TRAK1: variants seen among roughly 807,000 people sequenced by gnomAD.
TRAK1 encodes the protein trafficking kinesin protein 1.
In TRAK1, 33 loss-of-function variants were observed where a neutral mutation model predicts 92.1. The ratio of observed to expected loss-of-function variants is 0.36; its 90% CI spans 0.27 to 0.48. The LOEUF is 0.48. TRAK1 is among the 20% of genes least tolerant of loss of function. The pLI, the probability that TRAK1 is intolerant of heterozygous loss-of-function variation, is 0.99. For synonymous variants in TRAK1, 521 were observed against 517.3 expected (o/e 1.01, Z -0.10); for missense variants, 1,123 against 1,257.9 (o/e 0.89, Z 1.62).
chr3:42,203,435 A>G (rs1192381414), intron 13 of TRAK1: 2 of 983,356 alleles, frequency 2.0e-6, no homozygotes, highest in Non-Finnish European at 2.4e-6. Context: ...GGCATCTCAG[A>G]TGATTAAACT....
Position 42,202,673 on chromosome 3 carries a change from G to T in TRAK1, c.1665G>T (p.Glu555Asp), listed in dbSNP as rs1263975961. 1 of 1,613,672 alleles carries T rather than the reference G, an allele frequency of 6.2e-7. No homozygotes were observed. Among genetic ancestry groups the T allele is most frequent in the Non-Finnish European group, 8.5e-7 (1 of 1,179,676 alleles). The change falls in exon 13 of 16, where the codon GAG becomes GAT. Residue 555 changes from glutamate (E) to aspartate (D), a missense_variant. Transcript: ENST00000327628. The surrounding 1 kb of genome is among the most constrained non-coding windows in gnomAD (Gnocchi z 6.1). Reference protein sequence around the residue: ...MSLGTHSRFSEFTGFSGMSFS... With the variant: ...MSLGTHSRFSDFTGFSGMSFS... The stretch of plus-strand genomic sequence containing the variant: ...TGGGCACGCACTCCCGCTTCTCCGA[G>T]TTCACCGGCTTCTCTGGCATGTCCT...
chr3:42,146,031 G>T, intron 2 of TRAK1: 1 of 403,764 alleles, frequency 2.5e-6, no homozygotes. Context: ...AAATACTTTG[G>T]CTTCAGGAAC....
intron 1 of TRAK1, among the ~76,000 whole-genome samples, chr3:42,082,155 C>G (rs1429685032): frequency 2.6e-5 from 4 of 152,064 alleles, no homozygotes; most frequent in African/African-American, 7.2e-5. Flanking sequence ...GGTTAAGTGT[C>G]TGGCAGCTAT....
rs1048453177 is a variant in TRAK1 at position 42,211,673 on chromosome 3, CAGA to C, written c.1963+1691_1963+1693del. 8 of 985,240 alleles carry C rather than the reference CAGA, an allele frequency of 8.1e-6. No individual in the cohort carries two copies. The Admixed American group carries it at 4.3e-4, about 53-fold the overall frequency. The allele number at this position is 985,240 out of a possible 1,614,324, so 61.0% of individuals were successfully genotyped here. On this transcript the variant is annotated intron_variant, in intron 14 of 15. Transcript: ENST00000327628. ...TTAAGTGCATCTTCTAGAAGTTGTA[CAGA>C]AGGACTAAAGCTTATCAAGTCAACA...
At chr3:42,017,428 A>G (rs1701569110) in intron 1 of TRAK1, among the ~76,000 whole-genome samples, 1 of 152,228 alleles carries the variant, frequency 6.6e-6, no homozygotes, top group Non-Finnish European at 1.5e-5. Flanking sequence ...ATTCTTGGAC[A>G]GAGATACACT....
rs1462827256 is a variant in TRAK1 at position 42,224,281 on chromosome 3, G to C, written c.*544G>C. Reference sequence around the variant, plus strand: ...TCGGAGGGCTTTTCTTTTATGGGTGGCCCAGCTTCTTCAAGACCTTCACTG... The same window carrying C: ...TCGGAGGGCTTTTCTTTTATGGGTGCCCCAGCTTCTTCAAGACCTTCACTG... On this transcript the variant is annotated 3_prime_UTR_variant, in exon 16 of 16. Coordinates refer to ENST00000327628, the MANE Select transcript of TRAK1 (RefSeq NM_001042646.3). 6.3e-6 allele frequency: 2 copies of C among 317,180 alleles called. No individual in the cohort carries two copies. The highest frequency in any genetic ancestry group is 2.5e-5 in the South Asian group (1 of 39,630). 19.6% of individuals were successfully genotyped at this position (317,180 alleles called of 1,614,324 possible). A position where few individuals can be genotyped will look rare whatever the true frequency, so the allele number is the denominator to read the frequency against.
chr3:42,121,905 C>T (rs1428593087), intron 1 of TRAK1, among the ~76,000 whole-genome samples: 1 of 152,088 alleles, frequency 6.6e-6, no homozygotes, highest in Non-Finnish European at 1.5e-5. Flanking sequence ...GTAACTTCTG[C>T]CTCCCGGGTT....
At chr3:42,043,562 C>T (rs753044077) in intron 1 of TRAK1, among the ~76,000 whole-genome samples, 53 of 151,550 alleles carry the variant, frequency 3.5e-4, no homozygotes, top group African/African-American at 9.7e-4. Context: ...TTTGGCTTTT[C>T]GCCAGTGTGT....
chr3:42,217,988 C>T (rs1324390757), intron 14 of TRAK1: 9 of 985,116 alleles, frequency 9.1e-6, no homozygotes, highest in Non-Finnish European at 1.1e-5. Flanking sequence ...GCCTGGAGCT[C>T]CCCATGGCTG....
chr3:42,123,043 T>A (rs913004723), intron 1 of TRAK1, among the ~76,000 whole-genome samples: 4 of 152,106 alleles, frequency 2.6e-5, no homozygotes. Context: ...TGAGTGGAAA[T>A]GCTCTATGGC....
chr3:42,088,912 TG>T (rs1396082951), upstream of TRAK1, among the ~76,000 whole-genome samples: 1 of 152,194 alleles, frequency 6.6e-6, no homozygotes, highest in Non-Finnish European at 1.5e-5. Context: ...GTGCAGCACT[TG>T]ATCTCACCCA....
intron 1 of TRAK1, among the ~76,000 whole-genome samples, chr3:42,092,718 GTTATGTTATGTTA>G (rs1559754261): frequency 1.5e-5 from 2 of 129,338 alleles, no homozygotes; most frequent in Non-Finnish European, 3.4e-5. Flanking sequence ...GTTGTGTTAT[GTTATGTTATGTTA>G]TGTTATGTTA....
upstream of TRAK1, among the ~76,000 whole-genome samples, chr3:42,088,284 A>G (rs1040601859): frequency 2.6e-5 from 4 of 152,170 alleles, no homozygotes; most frequent in African/African-American, 9.7e-5. Context: ...GGATACAGAA[A>G]GGCACAGAGA....
chr3:42,189,191 G>A (rs1705321809), intron 6 of TRAK1, 67 bp downstream of exon 6: 3 of 1,225,934 alleles, frequency 2.4e-6, no homozygotes, highest in Admixed American at 1.8e-5. Context: ...TATCTGGCAA[G>A]GACAACCATG....
chr3:42,224,097 A>G lies in TRAK1; in HGVS notation c.*360A>G, dbSNP rs1407177149. Reference sequence around the variant, plus strand: ...TCCCAAGTGTGTTCTTATCCCATGGATAGGAAACCAGTGAATTCCGTGGCT... The same window carrying G: ...TCCCAAGTGTGTTCTTATCCCATGGGTAGGAAACCAGTGAATTCCGTGGCT... On this transcript the variant is annotated 3_prime_UTR_variant, in exon 16 of 16. Coordinates refer to ENST00000327628, the MANE Select transcript of TRAK1 (RefSeq NM_001042646.3). The G allele has an allele frequency of 4.2e-6, 2 of 471,386 alleles. No homozygotes were observed. Among genetic ancestry groups the G allele is most frequent in the East Asian group, 6.5e-5 (1 of 15,448 alleles). The allele number at this position is 471,386 out of a possible 1,614,324, so 29.2% of individuals were successfully genotyped here.
intron 2 of TRAK1, among the ~76,000 whole-genome samples, chr3:42,128,133 C>A (rs983647489): frequency 6.6e-6 from 1 of 152,142 alleles, no homozygotes; most frequent in Non-Finnish European, 1.5e-5. Flanking sequence ...GAGCTGAGAT[C>A]GTGCCATTGT....
chr3:42,209,386 G>C, intron 13 of TRAK1, among the ~76,000 whole-genome samples: 1 of 152,198 alleles, frequency 6.6e-6, no homozygotes, highest in Admixed American at 6.5e-5. Flanking sequence ...CCGCTTTTGT[G>C]CTTATCTTGC....
intron 3 of TRAK1, among the ~76,000 whole-genome samples, chr3:42,183,553 T>TAAAAAAAAA (rs11293523): frequency 9.4e-5 from 11 of 117,314 alleles, no homozygotes; most frequent in African/African-American, 3.2e-4. Flanking sequence ...AGACTCTGTC[T>TAAAAAAAAA]AAAAAAAAAA....
At chr3:42,205,802 A>G (rs1406575325) in intron 13 of TRAK1, among the ~76,000 whole-genome samples, 1 of 152,262 alleles carries the variant, frequency 6.6e-6, no homozygotes. Flanking sequence ...TTTAGCTGGA[A>G]CACTGGGGTA....
Sources: allele counts gnomAD v4.1 joint callset (sites outside exome capture counted in the v4.1 genomes callset), GRCh38; gene constraint gnomAD v4.1.1; non-coding constraint Gnocchi (gnomAD v3.1); transcripts MANE v1.5; gene names NCBI Gene and HGNC (gene_info 2026-07-23, HGNC 2026-07-21).